The following NEMP2 variants were observed in gnomAD, a reference collection of about 807,000 sequenced individuals.
NEMP2 encodes the protein UPF0571 transmembrane protein.
A neutral mutation model predicts 54.2 loss-of-function variants in NEMP2; 53 were observed. The ratio of observed to expected loss-of-function variants is 0.98; its 90% CI spans 0.78 to 1.23. The LOEUF (loss-of-function observed/expected upper bound fraction) is 1.23. Among genes scored for constraint, NEMP2 ranks in the 50% most tolerant of loss-of-function variants. The probability of loss-of-function intolerance (pLI) is 0.00; values close to 1 mark genes in which losing one functional copy is unlikely to be tolerated. For synonymous variants in NEMP2, 197 were observed against 190.3 expected (o/e 1.04, Z -0.29); for missense variants, 455 against 511.3 (o/e 0.89, Z 1.06).
At chr2:190,488,872 T>C in the NEMP2 span, 2 of 1,450,656 alleles carry the variant, frequency 1.4e-6, no homozygotes, top group Admixed American at 2.4e-5. This position sits in a 1 kb window ranked among gnomAD's most constrained non-coding sequence, Gnocchi z 6.4. Flanking sequence ...CATGATTTTT[T>C]CCAGCAATAC....
rs1453346004 is a variant in NEMP2 at position 190,529,227 on chromosome 2, T to C, written c.98-3849A>G. 6.6e-6 allele frequency among the ~76,000 whole-genome samples: 1 copy of C among 151,968 alleles called. No homozygotes were observed. Among genetic ancestry groups the C allele is most frequent in the African/African-American group, 2.4e-5 (1 of 41,336 alleles). On this transcript the variant is annotated intron_variant, in intron 1 of 8. Transcript: ENST00000409150. This position sits in a 1 kb window ranked among gnomAD's most constrained non-coding sequence, Gnocchi z 4.7. ...AAAAACATGAATGGGAACCCATCAT[T>C]TACCTGCTTAAAACCCTCCAATGGT...
the NEMP2 span, among the ~76,000 whole-genome samples, chr2:190,565,391 T>C: frequency 2.0e-5 from 3 of 152,214 alleles, no homozygotes; most frequent in African/African-American, 7.2e-5. Context: ...AACTCAGTTA[T>C]GATTAGTGGA....
At chr2:190,612,801 T>C in the NEMP2 span, among the ~76,000 whole-genome samples, 1 of 152,196 alleles carries the variant, frequency 6.6e-6, no homozygotes, top group Non-Finnish European at 1.5e-5. Context: ...TATTTCCTGG[T>C]TCCTTTTACC....
the NEMP2 span, chr2:190,436,568 C>T: frequency 6.2e-7 from 1 of 1,614,198 alleles, no homozygotes; most frequent in South Asian, 1.1e-5. The surrounding 1 kb of genome is among the most constrained non-coding windows in gnomAD (Gnocchi z 5.3). Flanking sequence ...ACTATCCTGC[C>T]AACAAATTCT....
At chr2:190,575,882 A>G in the NEMP2 span, among the ~76,000 whole-genome samples, 1 of 151,514 alleles carries the variant, frequency 6.6e-6, no homozygotes, top group African/African-American at 2.4e-5. Context: ...AAAGAAAAAG[A>G]AAAAAAAAGA....
the NEMP2 span, among the ~76,000 whole-genome samples, chr2:190,611,440 A>T: frequency 1.4e-4 from 22 of 152,348 alleles, no homozygotes; most frequent in East Asian, 3.3e-3. This position sits in a 1 kb window ranked among gnomAD's most constrained non-coding sequence, Gnocchi z 5.4. Context: ...GTTTGACCAT[A>T]AGGTAAGATT....
At chr2:190,609,794 T>A in the NEMP2 span, 1 of 152,266 alleles carries the variant, frequency 6.6e-6, no homozygotes, top group African/African-American at 2.4e-5. This position sits in a 1 kb window ranked among gnomAD's most constrained non-coding sequence, Gnocchi z 4.7. Flanking sequence ...TACTTCCTGC[T>A]GAGAGAGGGT....
At chr2:190,490,435 C>T in the NEMP2 span, among the ~76,000 whole-genome samples, 16 of 151,916 alleles carry the variant, frequency 1.1e-4, no homozygotes, top group Non-Finnish European at 1.8e-4. This position sits in a 1 kb window ranked among gnomAD's most constrained non-coding sequence, Gnocchi z 4.5. Flanking sequence ...CGGTGGTGGG[C>T]GCCTGTAATC....
chr2:190,435,983 A>C, the NEMP2 span: 30 of 1,551,488 alleles, frequency 1.9e-5, no homozygotes, highest in Admixed American at 3.2e-4. Flanking sequence ...ACAGATCAAC[A>C]GTACAAATTC....
At chr2:190,436,864 T>G in the NEMP2 span, 13 of 1,614,136 alleles carry the variant, frequency 8.1e-6, no homozygotes, top group Non-Finnish European at 1.0e-5. The surrounding 1 kb of genome is among the most constrained non-coding windows in gnomAD (Gnocchi z 5.3). Context: ...CATGCTTGTT[T>G]ATGATCAACA....
the NEMP2 span, chr2:190,648,435 C>A: frequency 1.3e-5 from 2 of 151,942 alleles, no homozygotes; most frequent in South Asian, 4.2e-4. Context: ...CTCGCCCCCC[C>A]GGGCAGGGGC....
chr2:190,641,722 G>T, the NEMP2 span, among the ~76,000 whole-genome samples: 1 of 152,180 alleles, frequency 6.6e-6, no homozygotes, highest in Non-Finnish European at 1.5e-5. Flanking sequence ...ACCGTAGCCA[G>T]TGTGGCTGAC....
chr2:190,557,461 C>G, the NEMP2 span, among the ~76,000 whole-genome samples: 1 of 152,040 alleles, frequency 6.6e-6, no homozygotes, highest in Non-Finnish European at 1.5e-5. Flanking sequence ...CAACAAAAGC[C>G]AAAATTGAAA....
chr2:190,559,796 C>A, the NEMP2 span, among the ~76,000 whole-genome samples: 2,328 of 152,226 alleles, frequency 0.015, 67 homozygotes, highest in African/African-American at 0.052. This position sits in a 1 kb window ranked among gnomAD's most constrained non-coding sequence, Gnocchi z 4.0. Flanking sequence ...AGTATCCTGG[C>A]CCCTGGCAGC....
At chr2:190,593,644 G>T in the NEMP2 span, among the ~76,000 whole-genome samples, 1 of 152,136 alleles carries the variant, frequency 6.6e-6, no homozygotes, top group Non-Finnish European at 1.5e-5. The surrounding 1 kb of genome is among the most constrained non-coding windows in gnomAD (Gnocchi z 4.5). Context: ...GAGAGTTCTA[G>T]TACAAAAGTC....
the NEMP2 span, among the ~76,000 whole-genome samples, chr2:190,605,158 T>G: frequency 2.0e-5 from 3 of 152,122 alleles, no homozygotes; most frequent in African/African-American, 7.2e-5. Flanking sequence ...ATTAAAGTAA[T>G]TTTTTCTAAG....
Position 190,530,800 on chromosome 2 carries a change from C to G in NEMP2, c.97+3759G>C, listed in dbSNP as rs1336573139. On this transcript the variant is annotated intron_variant, in intron 1 of 8. Transcript: ENST00000409150. The surrounding 1 kb of genome is among the most constrained non-coding windows in gnomAD (Gnocchi z 4.6). ...GCGGGTTTCATTTATTCATGAGGCC[C>G]CAGTTATTGCTGGTTAATTCTACTA... 6.6e-6 allele frequency among the ~76,000 whole-genome samples: 1 copy of G among 152,276 alleles called. No individual in the cohort carries two copies. Among genetic ancestry groups the G allele is most frequent in the African/African-American group, 2.4e-5 (1 of 41,556 alleles).
In NEMP2 at chr2:190,505,904, A is replaced by G. The variant is rs932754523; in HGVS notation, c.*3285T>C. The G allele has an allele frequency of 6.6e-6, 1 of 152,180 alleles. No individual in the cohort carries two copies. Among genetic ancestry groups the G allele is most frequent in the African/African-American group, 2.4e-5 (1 of 41,436 alleles). 9.4% of individuals were successfully genotyped at this position (152,180 alleles called of 1,614,324 possible). On this transcript the variant is annotated 3_prime_UTR_variant, in exon 9 of 9. Transcript: ENST00000409150. The surrounding 1 kb of genome is among the most constrained non-coding windows in gnomAD (Gnocchi z 5.8). ...GGGGTGGGGGGTGGCATCTGCATCAAACTCTTTGGCCTCATGACATTAACC... is the reference window on the plus strand; with the variant it reads ...GGGGTGGGGGGTGGCATCTGCATCAGACTCTTTGGCCTCATGACATTAACC...
the NEMP2 span, among the ~76,000 whole-genome samples, chr2:190,474,531 C>A: frequency 6.6e-6 from 1 of 152,292 alleles, no homozygotes; most frequent in African/African-American, 2.4e-5. Context: ...AGTTGAATCT[C>A]TGAATAGACC....
Sources: gnomAD v4.1 joint callset for allele counts (sites outside exome capture counted in the v4.1 genomes callset) on GRCh38, gnomAD v4.1.1 for gene constraint, Gnocchi (gnomAD v3.1) non-coding constraint, MANE v1.5 for transcripts, NCBI Gene and HGNC (gene_info 2026-07-23, HGNC 2026-07-21) for gene names.